Variants in CDH13 observed in about 807,000 individuals in gnomAD.
CDH13 encodes cadherin 13.
A neutral mutation model predicts 63.8 loss-of-function variants in CDH13; 24 were observed. That is an observed-to-expected ratio of 0.38 (90% CI 0.27 to 0.53). The LOEUF is 0.53. Among genes scored for constraint, CDH13 ranks in the 20% least tolerant of loss-of-function variants. The probability of loss-of-function intolerance (pLI) is 0.85; values close to 1 mark genes in which losing one functional copy is unlikely to be tolerated. For synonymous variants in CDH13, 503 were observed against 355.3 expected, an observed-to-expected ratio of 1.42 and a Z score of -4.67; for missense variants, 1,049 against 903.1, an observed-to-expected ratio of 1.16 and a Z score of -2.07.
At chr16:83,529,976 G>T (rs1489159124) in intron 7 of CDH13, among the ~76,000 whole-genome samples, 4 of 152,092 alleles carry the variant, frequency 2.6e-5, no homozygotes, top group Non-Finnish European at 5.9e-5. Flanking sequence ...GTGAAATGGG[G>T]TCGGGTAAGA....
At chr16:83,606,014 C>G (rs1386528450) in intron 8 of CDH13, among the ~76,000 whole-genome samples, 1 of 152,168 alleles carries the variant, frequency 6.6e-6, no homozygotes, top group Non-Finnish European at 1.5e-5. Flanking sequence ...AGGACTGGCT[C>G]AGATGCAGTG....
At chr16:83,763,142 A>ATGTT (rs527810761) in intron 11 of CDH13, among the ~76,000 whole-genome samples, 2 of 152,330 alleles carry the variant, frequency 1.3e-5, no homozygotes, top group African/African-American at 4.8e-5. Context: ...ATTCAGCAGC[A>ATGTT]TGTTTTCATG....
At chr16:83,695,389 G>A (rs183407425) in intron 10 of CDH13, among the ~76,000 whole-genome samples, 5 of 152,260 alleles carry the variant, frequency 3.3e-5, no homozygotes, top group East Asian at 1.9e-4. Context: ...AAATAGGATC[G>A]CAAATGCTGT....
At chr16:83,264,095 T>C (rs961658946) in intron 5 of CDH13, among the ~76,000 whole-genome samples, 3 of 152,250 alleles carry the variant, frequency 2.0e-5, no homozygotes, top group African/African-American at 4.8e-5. Flanking sequence ...TTATCATAAG[T>C]TGGACACCCC....
intron 5 of CDH13, among the ~76,000 whole-genome samples, chr16:83,246,248 T>A (rs1387772583): frequency 6.6e-6 from 1 of 152,192 alleles, no homozygotes; most frequent in East Asian, 1.9e-4. Flanking sequence ...CTTTAAAAAT[T>A]CACCTGTGGG....
intron 4 of CDH13, among the ~76,000 whole-genome samples, chr16:83,132,132 C>G (rs539864644): frequency 6.6e-6 from 1 of 152,106 alleles, no homozygotes; most frequent in African/African-American, 2.4e-5. Flanking sequence ...TATTTAATAG[C>G]CATTTGCCTC....
chr16:83,189,059 A>C (rs1184414394), intron 4 of CDH13, among the ~76,000 whole-genome samples: 3 of 152,188 alleles, frequency 2.0e-5, no homozygotes, highest in African/African-American at 7.2e-5. Context: ...TTTATTAGCT[A>C]TGTTTAACAG....
chr16:83,575,117 G>C (rs1473796666), intron 7 of CDH13, among the ~76,000 whole-genome samples: 1 of 152,174 alleles, frequency 6.6e-6, no homozygotes, highest in Non-Finnish European at 1.5e-5. Context: ...AAGCCACCTG[G>C]CTTGTGGAAC....
intron 2 of CDH13, among the ~76,000 whole-genome samples, chr16:82,929,042 C>A (rs977042395): frequency 1.3e-5 from 2 of 152,266 alleles, no homozygotes; most frequent in Admixed American, 6.5e-5. Flanking sequence ...TGATGACTTT[C>A]ATAATCTATT....
At chr16:83,243,752 C>T (rs117006032) in intron 5 of CDH13, among the ~76,000 whole-genome samples, 20 of 152,230 alleles carry the variant, frequency 1.3e-4, no homozygotes, top group Admixed American at 2.6e-4. Context: ...CAGTCTTGTC[C>T]GGAGCAAACT....
At chr16:82,732,857 C>G (rs1273765306) in intron 1 of CDH13, among the ~76,000 whole-genome samples, 4 of 152,064 alleles carry the variant, frequency 2.6e-5, no homozygotes, top group Non-Finnish European at 4.4e-5. Context: ...AGTGAGGGTT[C>G]CGGATACCCA....
At chr16:83,111,054 C>A (rs1328266065) in intron 3 of CDH13, among the ~76,000 whole-genome samples, 1 of 148,436 alleles carries the variant, frequency 6.7e-6, no homozygotes, top group African/African-American at 2.5e-5. Flanking sequence ...TGCCTGTAGT[C>A]CCAGCTACTC....
intron 5 of CDH13, among the ~76,000 whole-genome samples, chr16:83,309,521 C>T (rs752474912): frequency 1.4e-4 from 22 of 152,214 alleles, no homozygotes; most frequent in African/African-American, 3.9e-4. Flanking sequence ...GGATTACAGG[C>T]GAGTGCCGCC....
At chr16:82,688,002 G>T (rs1340127276) in intron 1 of CDH13, among the ~76,000 whole-genome samples, 1 of 152,220 alleles carries the variant, frequency 6.6e-6, no homozygotes, top group Non-Finnish European at 1.5e-5. Context: ...GGCAGTGACA[G>T]ATGTAGGCCC....
intron 1 of CDH13, among the ~76,000 whole-genome samples, chr16:82,775,421 C>T (rs1355913527): frequency 6.6e-6 from 1 of 152,186 alleles, no homozygotes; most frequent in African/African-American, 2.4e-5. Context: ...TTTTACTTTT[C>T]TCTTACGTAA....
chr16:83,492,333 G>T (rs1388509397), intron 7 of CDH13, among the ~76,000 whole-genome samples: 2 of 152,134 alleles, frequency 1.3e-5, no homozygotes, highest in African/African-American at 4.8e-5. Flanking sequence ...TTATCATCAT[G>T]TTTAAAACAT....
At chr16:82,866,422 T>G (rs1165151159) in intron 2 of CDH13, among the ~76,000 whole-genome samples, 2 of 134,434 alleles carry the variant, frequency 1.5e-5, no homozygotes, top group African/African-American at 5.5e-5. Context: ...GGAGTCTCAC[T>G]TTGTCGCCCA....
chr16:83,207,035 G>A (rs963039003), intron 4 of CDH13, among the ~76,000 whole-genome samples: 11 of 152,216 alleles, frequency 7.2e-5, no homozygotes, highest in Admixed American at 5.9e-4. Context: ...GATCTGAATA[G>A]TTTAATCAGT....
intron 1 of CDH13, among the ~76,000 whole-genome samples, chr16:82,650,085 C>T (rs1910551336): frequency 6.6e-6 from 1 of 152,186 alleles, no homozygotes; most frequent in African/African-American, 2.4e-5. Flanking sequence ...TGAGAAAGTA[C>T]ACTTGGAGCC....
Sources: allele counts gnomAD v4.1 joint callset (sites outside exome capture counted in the v4.1 genomes callset), GRCh38; gene constraint gnomAD v4.1.1; transcripts MANE v1.5; gene names NCBI Gene and HGNC (gene_info 2026-07-23, HGNC 2026-07-21).